CARM1: variants seen among roughly 807,000 people sequenced by gnomAD.
CARM1 encodes histone-arginine methyltransferase CARM1.
CARM1 carries 14 observed loss-of-function variants against 72.7 expected under a neutral mutation model. That is an observed-to-expected ratio of 0.19 (90% CI 0.13 to 0.30). The LOEUF is 0.30. CARM1 is among the 10% of genes least tolerant of loss of function. The pLI is 1.00. For missense variants in CARM1, 432 were observed against 833.7 expected, an observed-to-expected ratio of 0.52 and a Z score of 5.93; for synonymous variants, 333 against 345.5, an observed-to-expected ratio of 0.96 and a Z score of 0.40.
chr19:10,885,888 ATTTTTTTTTTTTT>A (rs766173367), intron 1 of CARM1, among the ~76,000 whole-genome samples: 1 of 78,780 alleles, frequency 1.3e-5, no homozygotes. Flanking sequence ...TCACTCCCTC[ATTTTTTTTTTTTT>A]TTTTTTTTTT....
intron 4 of CARM1, among the ~76,000 whole-genome samples, chr19:10,910,775 A>G (rs2074143496): frequency 6.6e-6 from 1 of 151,968 alleles, no homozygotes; most frequent in Non-Finnish European, 1.5e-5. Context: ...CATGTTGGCC[A>G]GGATGGTCTA....
intron 1 of CARM1, among the ~76,000 whole-genome samples, chr19:10,892,118 T>C (rs2073992740): frequency 6.6e-6 from 1 of 152,238 alleles, no homozygotes; most frequent in Non-Finnish European, 1.5e-5. Context: ...TGTGTACCGA[T>C]GGAAATTGAT....
intron 8 of CARM1, among the ~76,000 whole-genome samples, chr19:10,917,337 C>T (rs1242082870): frequency 6.6e-6 from 1 of 151,958 alleles, no homozygotes; most frequent in Non-Finnish European, 1.5e-5. Flanking sequence ...ATTAGCCAGA[C>T]GTGGTGGCGG....
chr19:10,908,438 G>C (rs2074121105), intron 3 of CARM1: 1 of 342,724 alleles, frequency 2.9e-6, no homozygotes, highest in Non-Finnish European at 5.5e-6. Flanking sequence ...ACAATGCCCT[G>C]AGCGCTCCCT....
At chr19:10,907,994 C>T in intron 2 of CARM1, 45 bp from the exon 3 acceptor site, 1 of 1,249,182 alleles carries the variant, frequency 8.0e-7, no homozygotes. Flanking sequence ...TGGCCACATG[C>T]TGGGTTGCTG....
rs1304564955 is a variant in CARM1 at position 10,920,795 on chromosome 19, A to G, written c.1425-39A>G. On this transcript the variant is annotated intron_variant, in intron 12 of 15. Coordinates refer to ENST00000327064, the MANE Select transcript of CARM1 (RefSeq NM_199141.2). This position sits in a 1 kb window ranked among gnomAD's most constrained non-coding sequence, Gnocchi z 5.3. Reference sequence around the variant, plus strand: ...CACAGGGGGGCGCCCCGGCCCTGCAACCCCCTTGCCCCTGCCCATGGCTCT... The same window carrying G: ...CACAGGGGGGCGCCCCGGCCCTGCAGCCCCCTTGCCCCTGCCCATGGCTCT... 1.9e-6 allele frequency: 3 copies of G among 1,613,250 alleles called. No individual in the cohort carries two copies. The highest frequency in any genetic ancestry group is 2.2e-5 in the South Asian group (2 of 91,050).
In CARM1 at chr19:10,896,158, C is replaced by T. The variant is rs542500332; in HGVS notation, c.221-8793C>T. ...GGGAGGTGACTGAGGCATGGTATGT[C>T]GCCCGGCACCATCTGCTCAGTGAGA... On this transcript the variant is annotated intron_variant, in intron 1 of 15. Coordinates refer to ENST00000327064, the MANE Select transcript of CARM1 (RefSeq NM_199141.2). The surrounding 1 kb of genome is among the most constrained non-coding windows in gnomAD (Gnocchi z 5.2). Among the ~76,000 whole-genome samples the T allele has an allele frequency of 1.4e-4, 22 of 152,110 alleles. No individual in the cohort carries two copies. Among genetic ancestry groups the T allele is most frequent in the Middle Eastern group, 3.4e-3 (1 of 294 alleles).
intron 6 of CARM1, 136 bp downstream of exon 6, chr19:10,914,190 TC>T: frequency 1.1e-6 from 1 of 885,794 alleles, no homozygotes; most frequent in Non-Finnish European, 1.7e-6. Context: ...TTTCCCCCGC[TC>T]CCACCCCAAC....
intron 2 of CARM1, among the ~76,000 whole-genome samples, chr19:10,907,133 C>T (rs2145224958): frequency 6.6e-6 from 1 of 152,084 alleles, no homozygotes; most frequent in East Asian, 1.9e-4. Flanking sequence ...TCTCGAACTC[C>T]TGACCTCAAG....
Position 10,884,381 on chromosome 19 carries a change from C to G in CARM1, c.220+12459C>G, listed in dbSNP as rs182165509. Among the ~76,000 whole-genome samples, 321 of 151,852 alleles carry G rather than the reference C, an allele frequency of 2.1e-3. 1 individual carries two copies. Among genetic ancestry groups the G allele is most frequent in the African/African-American group, 7.3e-3 (302 of 41,434 alleles). On this transcript the variant is annotated intron_variant, in intron 1 of 15. Coordinates refer to ENST00000327064, the MANE Select transcript of CARM1 (RefSeq NM_199141.2). ...ACAAAAAGACATAGAGATGGGCTCTCTAGTATGTTGTCCAGGCCGGTCTCA... is the reference window on the plus strand; with the variant it reads ...ACAAAAAGACATAGAGATGGGCTCTGTAGTATGTTGTCCAGGCCGGTCTCA...
At chr19:10,919,819 TTC>T in intron 9 of CARM1, 56 bp from the exon 10 acceptor site, 1 of 1,523,654 alleles carries the variant, frequency 6.6e-7, no homozygotes, top group Non-Finnish European at 9.1e-7. Context: ...GCACCCCCTC[TTC>T]TCTCTCGGCA....
At chr19:10,877,447 G>C (rs1406045550) in intron 1 of CARM1, among the ~76,000 whole-genome samples, 1 of 152,140 alleles carries the variant, frequency 6.6e-6, no homozygotes, top group Admixed American at 6.6e-5. Context: ...TAGTGAGACA[G>C]AGTCTCACTG....
intron 1 of CARM1, among the ~76,000 whole-genome samples, chr19:10,877,880 G>A (rs1339719839): frequency 2.6e-5 from 4 of 152,046 alleles, no homozygotes; most frequent in African/African-American, 7.2e-5. Flanking sequence ...GGCACATGCC[G>A]CCATGCCCAG....
At chr19:10,878,877 G>A (rs1421627926) in intron 1 of CARM1, among the ~76,000 whole-genome samples, 1 of 150,752 alleles carries the variant, frequency 6.6e-6, no homozygotes, top group Non-Finnish European at 1.5e-5. Flanking sequence ...TGTGATCTCA[G>A]CTCACTGCAT....
chr19:10,906,229 C>T (rs2074103077), intron 2 of CARM1, among the ~76,000 whole-genome samples: 1 of 152,116 alleles, frequency 6.6e-6, no homozygotes, highest in Non-Finnish European at 1.5e-5. Flanking sequence ...GCTGGGATTA[C>T]AGGCATGAGC....
At chr19:10,891,436 G>T (rs552035190) in intron 1 of CARM1, among the ~76,000 whole-genome samples, 6 of 152,158 alleles carry the variant, frequency 3.9e-5, no homozygotes, top group African/African-American at 1.4e-4. Context: ...ATGCCCTTGG[G>T]CTGACTGCCC....
intron 2 of CARM1, 35 bp from the exon 3 acceptor site, chr19:10,908,004 G>T: frequency 2.8e-6 from 4 of 1,425,794 alleles, no homozygotes; most frequent in South Asian, 2.3e-5. Context: ...CTGGGTTGCT[G>T]ACCGCCCCCC....
intron 1 of CARM1, among the ~76,000 whole-genome samples, chr19:10,891,947 G>A (rs2073991012): frequency 6.6e-6 from 1 of 152,200 alleles, no homozygotes; most frequent in Non-Finnish European, 1.5e-5. Context: ...CCCGGAGGCA[G>A]CACTGAAGTC....
At chr19:10,884,078 C>G (rs368813516) in intron 1 of CARM1, among the ~76,000 whole-genome samples, 1 of 144,346 alleles carries the variant, frequency 6.9e-6, no homozygotes, top group South Asian at 2.2e-4. Context: ...TGCAGTGGCT[C>G]ACACCTGTAA....
Sources: allele counts gnomAD v4.1 joint callset (sites outside exome capture counted in the v4.1 genomes callset), GRCh38; gene constraint gnomAD v4.1.1; non-coding constraint Gnocchi (gnomAD v3.1); transcripts MANE v1.5; gene names NCBI Gene and HGNC (gene_info 2026-07-23, HGNC 2026-07-21).